AK5: variants seen among roughly 807,000 people sequenced by gnomAD.
The protein encoded by AK5 is adenylate kinase 5.
In AK5, 27 loss-of-function variants were observed where a neutral mutation model predicts 69.5. The observed-to-expected ratio is 0.39, with a 90% CI of 0.29 to 0.54. The LOEUF is 0.54. Among genes scored for constraint, AK5 ranks in the 20% least tolerant of loss-of-function variants. The pLI, the probability that AK5 is intolerant of heterozygous loss-of-function variation, is 0.71. For missense variants in AK5, 531 were observed against 700.4 expected (o/e 0.76, Z 2.73); for synonymous variants, 260 against 244.4 (o/e 1.06, Z -0.60).
intron 2 of AK5, among the ~76,000 whole-genome samples, chr1:77,288,921 T>C (rs1009174266): frequency 1.3e-5 from 2 of 152,196 alleles, no homozygotes; most frequent in African/African-American, 4.8e-5. Context: ...AAAATAGCCA[T>C]GTGGTTACAT....
intron 13 of AK5, among the ~76,000 whole-genome samples, chr1:77,552,274 C>T (rs1019620877): frequency 1.3e-5 from 2 of 152,106 alleles, no homozygotes; most frequent in African/African-American, 4.8e-5. Flanking sequence ...CCCACTTGCC[C>T]ACGCTGTATT....
intron 6 of AK5, among the ~76,000 whole-genome samples, chr1:77,387,704 A>G (rs1010403654): frequency 1.3e-5 from 2 of 152,238 alleles, no homozygotes; most frequent in Non-Finnish European, 2.9e-5. Context: ...AAGCTTAATC[A>G]CATGTGTCTG....
At chr1:77,474,191 CT>C (rs1030479848) in intron 8 of AK5, among the ~76,000 whole-genome samples, 1 of 152,220 alleles carries the variant, frequency 6.6e-6, no homozygotes, top group African/African-American at 2.4e-5. Context: ...TAGATAGCAA[CT>C]GCTCAGCAGT....
intron 8 of AK5, among the ~76,000 whole-genome samples, chr1:77,475,209 G>A (rs1029006984): frequency 2.1e-5 from 3 of 142,848 alleles, no homozygotes; most frequent in Non-Finnish European, 4.5e-5. Context: ...GTGTGTGTGT[G>A]TGTGTATTCT....
intron 8 of AK5, among the ~76,000 whole-genome samples, chr1:77,425,470 C>G (rs1020692023): frequency 6.6e-6 from 1 of 152,102 alleles, no homozygotes; most frequent in Non-Finnish European, 1.5e-5. Context: ...GCCTGTAGTC[C>G]CAGCTACTCA....
At chr1:77,499,973 T>C (rs1041658989) in intron 10 of AK5, among the ~76,000 whole-genome samples, 3 of 143,206 alleles carry the variant, frequency 2.1e-5, no homozygotes, top group Non-Finnish European at 4.5e-5. Context: ...TTAGAATGAA[T>C]GAATGGAAAA....
intron 7 of AK5, among the ~76,000 whole-genome samples, chr1:77,415,776 C>G (rs1265297007): frequency 3.3e-5 from 5 of 152,188 alleles, no homozygotes; most frequent in Non-Finnish European, 7.3e-5. Flanking sequence ...AAACCCATTT[C>G]GATTGCCCTT....
intron 6 of AK5, among the ~76,000 whole-genome samples, chr1:77,360,569 GA>G (rs957337704): frequency 1.3e-5 from 2 of 152,060 alleles, no homozygotes; most frequent in African/African-American, 2.4e-5. Flanking sequence ...GCAAAGGAAA[GA>G]AAAAAACTAA....
Position 77,295,320 on chromosome 1 carries a change from A to C in AK5, c.415+1360A>C, listed in dbSNP as rs146250372. Among the ~76,000 whole-genome samples, 60 of 152,344 alleles carry C rather than the reference A, an allele frequency of 3.9e-4. No homozygotes were observed. The East Asian group carries it at 0.011, about 28-fold the overall frequency. On this transcript the variant is annotated intron_variant, in intron 3 of 13. Transcript: ENST00000354567. ...GCAAATAAACACACCAAGCTATAAC[A>C]AGAATTTAAGCTCACCAGACTAGAA... is the stretch of plus-strand genomic sequence containing the variant.
At chr1:77,551,809 G>A (rs147117921) in intron 13 of AK5, among the ~76,000 whole-genome samples, 1 of 152,308 alleles carries the variant, frequency 6.6e-6, no homozygotes, top group African/African-American at 2.4e-5. Flanking sequence ...TATGAGGAAA[G>A]AAAGAGCAAA....
intron 1 of AK5, chr1:77,283,042 G>A (rs759916506): frequency 2.5e-4 from 250 of 985,562 alleles, no homozygotes; most frequent in Non-Finnish European, 2.9e-4. Context: ...CCTGGAGATA[G>A]CGGGTCGGGG....
intron 8 of AK5, among the ~76,000 whole-genome samples, chr1:77,475,195 A>ATATATATATATATATATG (rs1182380859): frequency 1.0e-4 from 3 of 29,154 alleles, no homozygotes; most frequent in East Asian, 1.6e-3. Flanking sequence ...ATATATATAT[A>ATATATATATATATATATG]TGTGTGTGTG....
At chr1:77,451,554 A>T (rs1653155614) in intron 8 of AK5, among the ~76,000 whole-genome samples, 1 of 152,212 alleles carries the variant, frequency 6.6e-6, no homozygotes, top group South Asian at 2.1e-4. Flanking sequence ...CTCTAGGAGT[A>T]AATAAGGACC....
Position 77,518,743 on chromosome 1 carries a change from T to G in AK5, c.1311+16T>G. 2 of 1,612,392 alleles carry G rather than the reference T, an allele frequency of 1.2e-6. No homozygotes were observed. On this transcript the variant is annotated intron_variant, in intron 11 of 13. Coordinates refer to ENST00000354567, the MANE Select transcript of AK5 (RefSeq NM_174858.3). ...GGTGCCCTCAGTAAGCAACATGGCC[T>G]GACCCACATTACTGCCTTTCCTGTC...
chr1:77,507,608 CT>C, intron 10 of AK5, among the ~76,000 whole-genome samples: 1 of 152,190 alleles, frequency 6.6e-6, no homozygotes, highest in African/African-American at 2.4e-5. Context: ...AAAAATTCCT[CT>C]CATCTGCAAG....
chr1:77,374,062 T>C (rs1020894833), intron 6 of AK5, among the ~76,000 whole-genome samples: 2 of 152,196 alleles, frequency 1.3e-5, no homozygotes, highest in Non-Finnish European at 2.9e-5. Context: ...AACACTGTCA[T>C]TTCCCAACGG....
At chr1:77,313,842 C>T (rs770177303) in intron 5 of AK5, 2 of 533,200 alleles carry the variant, frequency 3.8e-6, no homozygotes, top group South Asian at 1.4e-5. Context: ...CAGATCCTCT[C>T]CCTTACGCTG....
chr1:77,402,472 T>A (rs1649289847), intron 6 of AK5, among the ~76,000 whole-genome samples: 1 of 124,980 alleles, frequency 8.0e-6, no homozygotes, highest in South Asian at 2.9e-4. Context: ...CAGTCCCCGG[T>A]GTGTGATGTT....
intron 5 of AK5, among the ~76,000 whole-genome samples, chr1:77,322,493 A>G (rs1660586920): frequency 6.6e-6 from 1 of 152,180 alleles, no homozygotes; most frequent in Non-Finnish European, 1.5e-5. Flanking sequence ...CATTTTCTCA[A>G]TCAACTGATG....
Sources: allele counts gnomAD v4.1 joint callset (sites outside exome capture counted in the v4.1 genomes callset), GRCh38; gene constraint gnomAD v4.1.1; transcripts MANE v1.5; gene names NCBI Gene and HGNC (gene_info 2026-07-23, HGNC 2026-07-21).